The following PHIP variants were observed in gnomAD, a reference collection of about 807,000 sequenced individuals.
PHIP encodes the protein PH-interacting protein.
PHIP carries 54 observed loss-of-function variants against 236.8 expected under a neutral mutation model. The ratio of observed to expected loss-of-function variants is 0.23; its 90% confidence interval spans 0.18 to 0.29. PHIP has a LOEUF of 0.29. Ranked by LOEUF, PHIP falls within the 10% of genes least tolerant of loss-of-function variation. The pLI, the probability that PHIP is intolerant of heterozygous loss-of-function variation, is 1.00. For missense variants in PHIP, 1,370 were observed against 2,190.8 expected (o/e 0.63, Z 7.48); for synonymous variants, 756 against 718.9 (o/e 1.05, Z -0.83).
intron 17 of PHIP, 26 bp downstream of exon 17, chr6:79,001,873 G>T (rs1049377123): frequency 1.2e-5 from 17 of 1,469,488 alleles, no homozygotes; most frequent in African/African-American, 4.2e-5. Context: ...AAGAAAATTT[G>T]ATTGTCTAAG....
chr6:78,946,962 T>TA, intron 36 of PHIP, 88 bp from the exon 37 acceptor site: 1 of 712,440 alleles, frequency 1.4e-6, no homozygotes, highest in Non-Finnish European at 2.2e-6. Flanking sequence ...ATTTTTCCAG[T>TA]AAAAAATATT....
At chr6:79,010,324 T>G (rs1770513407) in intron 15 of PHIP, among the ~76,000 whole-genome samples, 1 of 151,780 alleles carries the variant, frequency 6.6e-6, no homozygotes, top group Non-Finnish European at 1.5e-5. Context: ...GGTGGTAGAT[T>G]GGCAGCCTCT....
intron 6 of PHIP, among the ~76,000 whole-genome samples, chr6:79,055,254 CTTTAA>C (rs1322904974): frequency 6.6e-6 from 1 of 152,130 alleles, no homozygotes; most frequent in African/African-American, 2.4e-5. Flanking sequence ...GCAGAAATTG[CTTTAA>C]TTTAATGTAT....
At chr6:79,046,148 G>C (rs1025386698) in intron 6 of PHIP, among the ~76,000 whole-genome samples, 1 of 152,072 alleles carries the variant, frequency 6.6e-6, no homozygotes, top group Non-Finnish European at 1.5e-5. Flanking sequence ...GCCTTGACCT[G>C]CTCCAGCCAC....
chr6:79,029,749 C>T (rs1003622119), intron 7 of PHIP, among the ~76,000 whole-genome samples: 3 of 152,064 alleles, frequency 2.0e-5, no homozygotes, highest in Admixed American at 6.5e-5. Context: ...AGGCTGGTCT[C>T]GAACTCCTGG....
At chr6:78,971,002 T>C in intron 24 of PHIP, 114 bp from the exon 25 acceptor site, 1 of 660,608 alleles carries the variant, frequency 1.5e-6, no homozygotes, top group Non-Finnish European at 2.5e-6. Flanking sequence ...CTAATAGAAA[T>C]TCTAATATTT....
At chr6:79,061,935 GT>G (rs1344893730) in intron 4 of PHIP, among the ~76,000 whole-genome samples, 1 of 152,028 alleles carries the variant, frequency 6.6e-6, no homozygotes, top group Non-Finnish European at 1.5e-5. Context: ...GTTTTTAAAG[GT>G]AGCTAATACC....
intron 27 of PHIP, among the ~76,000 whole-genome samples, chr6:78,966,363 T>C (rs1366141464): frequency 2.0e-5 from 3 of 152,236 alleles, no homozygotes; most frequent in Admixed American, 1.3e-4. Context: ...TCATTAACAC[T>C]ATACCCAAAC....
chr6:79,052,897 A>G (rs1008271320), intron 6 of PHIP, among the ~76,000 whole-genome samples: 1 of 152,254 alleles, frequency 6.6e-6, no homozygotes, highest in Non-Finnish European at 1.5e-5. Context: ...GAAGGCAAAA[A>G]GGTGCTATAT....
At chr6:79,076,897 T>C (rs1363608305) in intron 4 of PHIP, among the ~76,000 whole-genome samples, 1 of 152,162 alleles carries the variant, frequency 6.6e-6, no homozygotes, top group Admixed American at 6.5e-5. Flanking sequence ...AGGACTGAAT[T>C]TAAGGAAAAC....
intron 19 of PHIP, among the ~76,000 whole-genome samples, chr6:78,992,125 G>A (rs1769298779): frequency 6.6e-6 from 1 of 151,592 alleles, no homozygotes; most frequent in Admixed American, 6.6e-5. Context: ...ACCTCGCCCG[G>A]CTAATTTTTT....
At chr6:79,019,647 T>C (rs1381530738) in intron 9 of PHIP, among the ~76,000 whole-genome samples, 1 of 152,086 alleles carries the variant, frequency 6.6e-6, no homozygotes, top group Non-Finnish European at 1.5e-5. Flanking sequence ...ATAAAACATG[T>C]CTTTTAAGAC....
intron 19 of PHIP, among the ~76,000 whole-genome samples, chr6:78,995,280 G>A (rs1397243462): frequency 6.6e-6 from 1 of 152,096 alleles, no homozygotes; most frequent in Non-Finnish European, 1.5e-5. Flanking sequence ...ATACATCTGG[G>A]TATCTTTCTG....
chr6:78,943,708 T>C (rs967754197), intron 39 of PHIP, among the ~76,000 whole-genome samples: 1 of 152,112 alleles, frequency 6.6e-6, no homozygotes, highest in Non-Finnish European at 1.5e-5. Context: ...AGTGCTTGGC[T>C]GGGCGTGGTG....
chr6:79,027,918 T>C (rs985118326), intron 7 of PHIP, among the ~76,000 whole-genome samples: 3 of 152,126 alleles, frequency 2.0e-5, no homozygotes, highest in Non-Finnish European at 4.4e-5. Context: ...CCTCATAGGA[T>C]TGTCACAAAA....
chr6:79,002,159 A>G (rs770208985), intron 16 of PHIP, 35 bp from the exon 17 acceptor site: 88 of 1,411,762 alleles, frequency 6.2e-5, no homozygotes, highest in Non-Finnish European at 8.4e-5. Flanking sequence ...GACTGGAAAA[A>G]TAAAAATGTA....
At chr6:78,957,475 G>A (rs1347278195) in intron 32 of PHIP, 1 of 151,144 alleles carries the variant, frequency 6.6e-6, no homozygotes, top group African/African-American at 2.4e-5. Context: ...TATGTTTGGT[G>A]TTTTCTTATA....
At chr6:79,005,176 T>A (rs1269263273) in intron 15 of PHIP, among the ~76,000 whole-genome samples, 1 of 151,898 alleles carries the variant, frequency 6.6e-6, no homozygotes, top group Middle Eastern at 3.2e-3. Flanking sequence ...CACAAAAACT[T>A]AGAAAAGAAA....
intron 24 of PHIP, among the ~76,000 whole-genome samples, chr6:78,973,855 G>C (rs1013994214): frequency 1.1e-4 from 17 of 151,564 alleles, no homozygotes; most frequent in African/African-American, 4.1e-4. Context: ...ACCCAATACA[G>C]GAGCACCCAG....
Sources: gnomAD v4.1 joint callset for allele counts (sites outside exome capture counted in the v4.1 genomes callset) on GRCh38, gnomAD v4.1.1 for gene constraint, MANE v1.5 for transcripts, NCBI Gene and HGNC (gene_info 2026-07-23, HGNC 2026-07-21) for gene names.